PPARD: variants seen among roughly 807,000 people sequenced by gnomAD.
PPARD encodes peroxisome proliferator-activated receptor delta.
In PPARD, 6 loss-of-function variants were observed where a neutral mutation model predicts 39.5. The observed-to-expected ratio is 0.15, with a 90% CI of 0.08 to 0.30. PPARD has a LOEUF of 0.30. Among genes scored for constraint, PPARD ranks in the 10% least tolerant of loss-of-function variants. The pLI is 1.00. For synonymous variants in PPARD, 210 were observed against 231.3 expected (o/e 0.91, Z 0.83); for missense variants, 397 against 596.8 (o/e 0.67, Z 3.49).
chr6:35,399,411 A>C (rs1346709512), intron 2 of PPARD, among the ~76,000 whole-genome samples: 1 of 151,360 alleles, frequency 6.6e-6, no homozygotes, highest in Non-Finnish European at 1.5e-5. Flanking sequence ...AAAAAAAAAA[A>C]AAAAAAAACA....
chr6:35,398,995 G>T (rs908491303), intron 2 of PPARD, among the ~76,000 whole-genome samples: 1 of 152,056 alleles, frequency 6.6e-6, no homozygotes, highest in South Asian at 2.1e-4. Context: ...CATGTCTGTA[G>T]TCCCAGCTAT....
At chr6:35,356,555 G>A (rs1214361212) in intron 2 of PPARD, among the ~76,000 whole-genome samples, 1 of 152,198 alleles carries the variant, frequency 6.6e-6, no homozygotes, top group Non-Finnish European at 1.5e-5. Context: ...TTCCTCTGGT[G>A]TAGGATTTCT....
At chr6:35,391,603 T>G (rs2150671078) in intron 2 of PPARD, among the ~76,000 whole-genome samples, 1 of 152,364 alleles carries the variant, frequency 6.6e-6, no homozygotes, top group East Asian at 1.9e-4. Flanking sequence ...AAGGAACTTT[T>G]CCCTGACTTT....
chr6:35,415,475 T>G (rs1765693233), intron 3 of PPARD, among the ~76,000 whole-genome samples: 1 of 152,190 alleles, frequency 6.6e-6, no homozygotes, highest in African/African-American at 2.4e-5. Flanking sequence ...GTGAATAAGG[T>G]CAATAGTGTC....
At chr6:35,380,461 TTTTTTTTTTTGTTTG>T (rs1562190203) in intron 2 of PPARD, among the ~76,000 whole-genome samples, 71 of 2,338 alleles carry the variant, frequency 0.03, no homozygotes, top group Admixed American at 0.085. Context: ...AACCTCGTGT[TTTTTTTTTTTGTTTG>T]TTTTTTTTTT....
At chr6:35,344,912 G>T (rs534048831) in intron 1 of PPARD, among the ~76,000 whole-genome samples, 58 of 152,354 alleles carry the variant, frequency 3.8e-4, no homozygotes, top group African/African-American at 1.4e-3. Flanking sequence ...GACTGGACCA[G>T]AGGGTTTTCC....
chr6:35,357,173 G>T (rs1374201461), intron 2 of PPARD, among the ~76,000 whole-genome samples: 1 of 151,158 alleles, frequency 6.6e-6, no homozygotes, highest in Non-Finnish European at 1.5e-5. Context: ...CATTCCTAGT[G>T]TTTGACCTGG....
At chr6:35,372,527 C>T (rs1762542667) in intron 2 of PPARD, among the ~76,000 whole-genome samples, 1 of 152,220 alleles carries the variant, frequency 6.6e-6, no homozygotes, top group South Asian at 2.1e-4. Context: ...CCAAATCGCT[C>T]AACCTATACT....
At chr6:35,392,411 G>A (rs771965986) in intron 2 of PPARD, among the ~76,000 whole-genome samples, 4 of 151,840 alleles carry the variant, frequency 2.6e-5, no homozygotes, top group South Asian at 2.1e-4. Context: ...TGCTGGCACC[G>A]TTCCAGCCTC....
rs532864504 is a variant in PPARD at position 35,401,295 on chromosome 6, G to A, written c.-101-9692G>A. Among the ~76,000 whole-genome samples the A allele has an allele frequency of 5.3e-5, 8 of 152,124 alleles. No homozygotes were observed. In the South Asian group the frequency reaches 6.2e-4, roughly 12 times the overall value. On this transcript the variant is annotated intron_variant, in intron 2 of 7. Coordinates refer to ENST00000360694, the MANE Select transcript of PPARD (RefSeq NM_006238.5). The surrounding 1 kb of genome is among the most constrained non-coding windows in gnomAD (Gnocchi z 4.1). The stretch of plus-strand genomic sequence containing the variant: ...CTCCAGGTGGCCTTCCCCTCCTGCC[G>A]ACTCCCTTGCCAGGTTTGCTGTAAC...
chr6:35,348,276 T>A, intron 2 of PPARD: 1 of 877,628 alleles, frequency 1.1e-6, no homozygotes, highest in Non-Finnish European at 1.4e-6. Context: ...AAAAAACAGA[T>A]CCAATCTCTG....
intron 2 of PPARD, among the ~76,000 whole-genome samples, chr6:35,387,497 G>T (rs1194635980): frequency 6.6e-6 from 1 of 152,056 alleles, no homozygotes; most frequent in African/African-American, 2.4e-5. Flanking sequence ...TCCCACCCCA[G>T]CCCCAGGGGT....
At chr6:35,381,993 C>T (rs965222267) in intron 2 of PPARD, among the ~76,000 whole-genome samples, 1 of 152,162 alleles carries the variant, frequency 6.6e-6, no homozygotes, top group African/African-American at 2.4e-5. Flanking sequence ...CCTCCAAGGG[C>T]GCATTCTAGA....
At chr6:35,398,806 C>A (rs780623854) in intron 2 of PPARD, among the ~76,000 whole-genome samples, 1 of 152,060 alleles carries the variant, frequency 6.6e-6, no homozygotes, top group Non-Finnish European at 1.5e-5. Context: ...TAAGTGTTAC[C>A]GAAAGTTTCA....
Position 35,347,133 on chromosome 6 carries a change from G to A in PPARD, c.-119G>A. On this transcript the variant is annotated 5_prime_UTR_variant, in exon 2 of 8. Transcript: ENST00000360694. Reference sequence around the variant, plus strand: ...TGGCTTCTGCTCACCAACAGATGAAGACAGATGCACCAACGAGGTAATCCC... The same window carrying A: ...TGGCTTCTGCTCACCAACAGATGAAAACAGATGCACCAACGAGGTAATCCC... The A allele has an allele frequency of 2.0e-6, 3 of 1,536,146 alleles. No homozygotes were observed. In the South Asian group the frequency reaches 3.6e-5, roughly 18 times the overall value.
chr6:35,370,972 G>A (rs1310840202), intron 2 of PPARD, among the ~76,000 whole-genome samples: 1 of 152,050 alleles, frequency 6.6e-6, no homozygotes, highest in Non-Finnish European at 1.5e-5. Context: ...CATTTCCCTT[G>A]GGGTTTCTTC....
At chr6:35,411,647 G>T (rs1765436763) in intron 3 of PPARD, among the ~76,000 whole-genome samples, 1 of 152,132 alleles carries the variant, frequency 6.6e-6, no homozygotes. Flanking sequence ...AATTGGTCTG[G>T]TAATAATTAT....
At chr6:35,393,745 T>TAAAA (rs2150684019) in intron 2 of PPARD, among the ~76,000 whole-genome samples, 1 of 152,330 alleles carries the variant, frequency 6.6e-6, no homozygotes, top group Non-Finnish European at 1.5e-5. Flanking sequence ...ACCTCTTGTT[T>TAAAA]TATCTGTCCT....
intron 2 of PPARD, among the ~76,000 whole-genome samples, chr6:35,358,256 C>CA (rs953609966): frequency 1.3e-5 from 2 of 152,050 alleles, no homozygotes; most frequent in African/African-American, 4.8e-5. Flanking sequence ...AAGAGAAGGC[C>CA]AAAAATGCAA....
Sources: gnomAD v4.1 joint callset for allele counts (sites outside exome capture counted in the v4.1 genomes callset) on GRCh38, gnomAD v4.1.1 for gene constraint, Gnocchi (gnomAD v3.1) non-coding constraint, MANE v1.5 for transcripts, NCBI Gene and HGNC (gene_info 2026-07-23, HGNC 2026-07-21) for gene names.